Variants in FGFR3 observed in about 807,000 individuals in gnomAD.
FGFR3 encodes the protein fibroblast growth factor receptor 3.
A neutral mutation model predicts 82.9 loss-of-function variants in FGFR3; 25 were observed. That is an observed-to-expected ratio of 0.30 (90% CI 0.22 to 0.42). FGFR3 has a LOEUF of 0.42. Ranked by LOEUF, FGFR3 falls within the 10% of genes least tolerant of loss-of-function variation. The pLI is 1.00. For synonymous variants in FGFR3, 620 were observed against 516.0 expected (o/e 1.20, Z -2.73); for missense variants, 1,026 against 1,161.0 (o/e 0.88, Z 1.69).
At chr4:1,803,001 G>A in intron 7 of FGFR3, 1 of 1,600,034 alleles carries the variant, frequency 6.2e-7, no homozygotes, top group African/African-American at 1.3e-5. Context: ...CCTCTGTCGA[G>A]CCACCAATTT....
chr4:1,799,228 C>T (rs2108772175), intron 2 of FGFR3, 26 bp from the exon 3 acceptor site: 1 of 1,611,708 alleles, frequency 6.2e-7, no homozygotes, highest in East Asian at 2.2e-5. Context: ...GGGTGCCTGC[C>T]TCATGGTTGC....
At chr4:1,804,793 G>A (rs2108799561) in intron 9 of FGFR3, 31 bp from the exon 10 acceptor site, 1 of 1,548,820 alleles carries the variant, frequency 6.5e-7, no homozygotes, top group Non-Finnish European at 8.7e-7. Context: ...TCGCCCACGC[G>A]GCGCCAACCT....
At position 1,799,784 on chromosome 4, in the gene FGFR3, C is replaced by T. The variant is rs3135867; in HGVS notation, c.417C>T (p.Asp139=). The T allele has an allele frequency of 0.043, 69,928 of 1,612,894 alleles. 1,737 individuals carry two copies. The highest frequency in any genetic ancestry group is 0.076 in the Middle Eastern group (462 of 6,062). Residue 139 remains aspartate (D), a synonymous_variant, in exon 4 of 18, where the codon GAC becomes GAT. Transcript: ENST00000440486. The stretch of plus-strand genomic sequence containing the variant: ...CGGGAGATGACGAAGACGGGGAGGA[C>T]GAGGCTGAGGACACAGGTGTGGACA... ...PSSGDDEDGE[D]EAEDTGVDTG... is the part of the protein sequence containing the mutation.
At chr4:1,795,883 G>C (rs1380110523) in intron 2 of FGFR3, among the ~76,000 whole-genome samples, 2 of 152,190 alleles carry the variant, frequency 1.3e-5, no homozygotes, top group Non-Finnish European at 2.9e-5. Flanking sequence ...TGAGCCGCGT[G>C]GGCCTCTGGG....
chr4:1,805,723 G>T (rs371538127), intron 12 of FGFR3, 27 bp from the exon 13 acceptor site: 1 of 1,611,622 alleles, frequency 6.2e-7, no homozygotes, highest in Non-Finnish European at 8.5e-7. Context: ...GGGCCTGGCA[G>T]CCCGTCTGAG....
chr4:1,801,736 C>T lies in FGFR3; in HGVS notation c.732C>T (p.Asp244=), dbSNP rs764012522. 1.6e-5 allele frequency: 25 copies of T among 1,593,718 alleles called. No individual in the cohort carries two copies. Among genetic ancestry groups the T allele is most frequent in the East Asian group, 6.9e-5 (3 of 43,766 alleles). The change falls in exon 6 of 18, where the codon GAC becomes GAT. Residue 244 remains aspartate, a synonymous_variant. Transcript: ENST00000440486. The stretch of plus-strand genomic sequence containing the variant: ...GCATCCGGCAGACGTACACGCTGGA[C>T]GTGCTGGGTGAGGGCCCTGGGGCGG... ...FGSIRQTYTL[D]VLERSPHRPI...
Position 1,805,244 on chromosome 4 carries a change from T to A in FGFR3, c.1413-111T>A. 1.9e-6 allele frequency: 3 copies of A among 1,565,418 alleles called. No individual in the cohort carries two copies. The Admixed American group carries it at 5.1e-5, about 27-fold the overall frequency. Reference sequence around the variant, plus strand: ...TGTAGGGGGAGCATGGAGGGCTTCCTGGAGGTGGTGGCTCTGGGCCTCAAG... The same window carrying A: ...TGTAGGGGGAGCATGGAGGGCTTCCAGGAGGTGGTGGCTCTGGGCCTCAAG... On this transcript the variant is annotated intron_variant, in intron 10 of 17. Coordinates refer to ENST00000440486, the MANE Select transcript of FGFR3 (RefSeq NM_000142.5).
intron 2 of FGFR3, among the ~76,000 whole-genome samples, chr4:1,797,522 G>C (rs1216988432): frequency 6.6e-6 from 1 of 152,226 alleles, no homozygotes; most frequent in Non-Finnish European, 1.5e-5. Flanking sequence ...TGTGTGGATG[G>C]CTTGACCTGT....
intron 4 of FGFR3, among the ~76,000 whole-genome samples, chr4:1,800,267 T>G (rs1577270657): frequency 7.2e-6 from 1 of 139,556 alleles, no homozygotes; most frequent in Admixed American, 7.0e-5. Flanking sequence ...GGGTGGCTGG[T>G]GGGTGGGCTG....
In FGFR3 at chr4:1,799,487, C is replaced by G. The variant is rs746468796; in HGVS notation, c.343C>G (p.Gln115Glu). 1.9e-5 allele frequency: 30 copies of G among 1,573,218 alleles called. No individual in the cohort carries two copies. The highest frequency in any genetic ancestry group is 2.4e-5 in the Non-Finnish European group (28 of 1,160,154). The stretch of plus-strand genomic sequence containing the variant: ...CTACAGCTGCCGGCAGCGGCTCACG[C>G]AGCGCGTACTGTGCCACTTCAGTGT... ...GAYSCRQRLT[Q>E]RVLCHFSVRV... Residue 115 changes from glutamine (Q) to glutamate (E), a missense_variant, in exon 3 of 18, where the codon CAG becomes GAG. Coordinates refer to ENST00000440486, the MANE Select transcript of FGFR3 (RefSeq NM_000142.5).
intron 5 of FGFR3, 34 bp from the exon 6 acceptor site, chr4:1,801,586 C>T (rs750433241): frequency 7.5e-6 from 12 of 1,590,374 alleles, no homozygotes; most frequent in South Asian, 4.5e-5. Flanking sequence ...TGGTTGCTGC[C>T]TCCGCTCACT....
chr4:1,804,969 GGTCAGTGGT>G lies in FGFR3; in HGVS notation c.1412+2_1412+10del. On this transcript the variant is annotated splice_donor_variant and splice_donor_5th_base_variant and intron_variant, in intron 10 of 17. Coordinates refer to ENST00000440486, the MANE Select transcript of FGFR3 (RefSeq NM_000142.5). LOFTEE classifies it high-confidence loss of function. ...CCCAAATGGGAGCTGTCTCGGGCCC[GGTCAGTGGT>G]GCTGAGGGCCAGCGTTGGCTGTAGG... 6.5e-7 allele frequency: 1 copy of G among 1,548,396 alleles called. No individual in the cohort carries two copies. Among genetic ancestry groups the G allele is most frequent in the Non-Finnish European group, 8.7e-7 (1 of 1,145,626 alleles).
intron 2 of FGFR3, among the ~76,000 whole-genome samples, chr4:1,796,463 A>G (rs1012422335): frequency 1.3e-5 from 2 of 152,122 alleles, no homozygotes; most frequent in African/African-American, 4.8e-5. Flanking sequence ...AGAGAGCTGC[A>G]GAGAACTTCA....
At position 1,793,940 on chromosome 4, in the gene FGFR3, C is replaced by T. The variant is rs749527828; in HGVS notation, c.6C>T (p.Gly2=). The T allele has an allele frequency of 3.0e-6, 4 of 1,317,258 alleles. No individual in the cohort carries two copies. Among genetic ancestry groups the T allele is most frequent in the South Asian group, 2.2e-5 (1 of 46,466 alleles). The allele number at this position is 1,317,258 out of a possible 1,614,324, so 81.6% of individuals were successfully genotyped here. ...CCGCGGCCCCCGCCCCCGCCATGGG[C>T]GCCCCTGCCTGCGCCCTCGCGCTCT... M[G]APACALALCV... The change falls in exon 2 of 18, where the codon GGC becomes GGT. Residue 2 remains glycine, a synonymous_variant. Coordinates refer to ENST00000440486, the MANE Select transcript of FGFR3 (RefSeq NM_000142.5).
rs1721948313 is a variant in FGFR3 at position 1,806,573 on chromosome 4, G to A, written c.2058G>A (p.Glu686=). The change falls in exon 16 of 18, where the codon GAG becomes GAA. Residue 686 remains glutamate, a synonymous_variant. Transcript: ENST00000440486. The stretch of plus-strand genomic sequence containing the variant: ...GGTCCTTTGGGGTCCTGCTCTGGGA[G>A]ATCTTCACGCTGGGGGGCTCCCCGT... The part of the protein sequence containing the change: ...DVWSFGVLLW[E]IFTLGGSPYP... The A allele has an allele frequency of 6.2e-7, 1 of 1,613,138 alleles. No individual in the cohort carries two copies. The highest frequency in any genetic ancestry group is 8.5e-7 in the Non-Finnish European group (1 of 1,179,968).
At position 1,808,738 on chromosome 4, in the gene FGFR3, G is replaced by C. The variant is rs555552048; in HGVS notation, c.*1476G>C. On this transcript the variant is annotated 3_prime_UTR_variant, in exon 18 of 18. Transcript: ENST00000440486. ...GCAGCTGTCCCTTGCTTGCCTGCAG[G>C]GCCATGGCTCAGGGTGGTCTCTTCT... 4.3e-6 allele frequency: 1 copy of C among 232,128 alleles called. No homozygotes were observed. The highest frequency in any genetic ancestry group is 8.5e-6 in the Non-Finnish European group (1 of 117,220). 14.4% of individuals were successfully genotyped at this position (232,128 alleles called of 1,614,324 possible).
Position 1,801,822 on chromosome 4 carries a change from T to C in FGFR3, c.740-13T>C, listed in dbSNP as rs1317967611. On this transcript the variant is annotated splice_polypyrimidine_tract_variant and intron_variant, in intron 6 of 17. Transcript: ENST00000440486. ...GGGAGGGGGTGGCCCCTGAGCGTCA[T>C]CTGCCCCCACAGAGCGCTCCCCGCA... The C allele has an allele frequency of 1.2e-6, 2 of 1,604,208 alleles. No homozygotes were observed. The highest frequency in any genetic ancestry group is 1.7e-6 in the Non-Finnish European group (2 of 1,175,056).
Position 1,801,511 on chromosome 4 carries a change from GC to G in FGFR3, c.591del (p.Glu198SerfsTer96). The G allele has an allele frequency of 6.4e-7, 1 of 1,564,648 alleles. No individual in the cohort carries two copies. The highest frequency in any genetic ancestry group is 1.2e-5 in the South Asian group (1 of 85,354). ...CTGAAGAACGGCAGGGAGTTCCGCG[GC>G]GAGCACCGCATTGGAGGCATCAAGG... The part of the protein sequence containing the change: ...SWLKNGREFR[G>X]EHRIGGIKLR... On this transcript the variant is annotated frameshift_variant, in exon 5 of 18. Transcript: ENST00000440486. LOFTEE classifies it high-confidence loss of function.
chr4:1,794,180 C>T, intron 2 of FGFR3, 137 bp downstream of exon 2: 1 of 442,150 alleles, frequency 2.3e-6, no homozygotes, highest in Non-Finnish European at 3.8e-6. Context: ...TCCGCTGCCT[C>T]CTTGCCGGAG....
Sources: gnomAD v4.1 joint callset for allele counts (sites outside exome capture counted in the v4.1 genomes callset) on GRCh38, gnomAD v4.1.1 for gene constraint, MANE v1.5 for transcripts, NCBI Gene and HGNC (gene_info 2026-07-23, HGNC 2026-07-21) for gene names.